CSMD1: variants seen among roughly 807,000 people sequenced by gnomAD.
The protein encoded by CSMD1 is CUB and sushi domain-containing protein 1.
In CSMD1, 213 loss-of-function variants were observed where a neutral mutation model predicts 417.5. The observed-to-expected ratio is 0.51, with a 90% CI of 0.46 to 0.57. The LOEUF (loss-of-function observed/expected upper bound fraction) is 0.57. CSMD1 is among the 20% of genes least tolerant of loss of function. CSMD1 has a pLI of 0.00. For missense variants in CSMD1, 6,923 were observed against 4,529.7 expected, an observed-to-expected ratio of 1.53 and a Z score of -15.17; for synonymous variants, 2,862 against 1,736.8, an observed-to-expected ratio of 1.65 and a Z score of -16.11.
chr8:3,973,478 A>T (rs985596052), intron 5 of CSMD1, among the ~76,000 whole-genome samples: 1 of 152,190 alleles, frequency 6.6e-6, no homozygotes, highest in Non-Finnish European at 1.5e-5. Context: ...GAAGTTGTTT[A>T]TTTTAAAAAA....
chr8:3,103,029 C>T (rs1020244577), intron 46 of CSMD1, among the ~76,000 whole-genome samples: 1 of 152,148 alleles, frequency 6.6e-6, no homozygotes, highest in African/African-American at 2.4e-5. Context: ...ACTAATCACC[C>T]CAGCACCTGG....
At chr8:3,714,794 AT>A (rs1208991107) in intron 6 of CSMD1, among the ~76,000 whole-genome samples, 1 of 151,998 alleles carries the variant, frequency 6.6e-6, no homozygotes, top group African/African-American at 2.4e-5. Context: ...TATTTGGAGC[AT>A]TTTTTGTCTA....
chr8:4,733,455 G>A (rs920691275), intron 1 of CSMD1, among the ~76,000 whole-genome samples: 2 of 152,160 alleles, frequency 1.3e-5, no homozygotes, highest in African/African-American at 4.8e-5. Context: ...CGGAGAAGGA[G>A]CTAATGTCTA....
At chr8:3,233,978 T>C (rs1799005604) in intron 26 of CSMD1, among the ~76,000 whole-genome samples, 1 of 152,224 alleles carries the variant, frequency 6.6e-6, no homozygotes, top group Non-Finnish European at 1.5e-5. Flanking sequence ...TCTATGTCTC[T>C]GTCAACATCG....
rs1353426343 is a variant in CSMD1 at position 3,860,017 on chromosome 8, G to A, written c.819-105975C>T. ...AAACCCAAACTTGGAGTTTGTTTGA[G>A]AAGTAAGAATGTGCTTGTGGAGGGT... On this transcript the variant is annotated intron_variant, in intron 5 of 69. Coordinates refer to ENST00000635120, the MANE Select transcript of CSMD1 (RefSeq NM_033225.6). Among the ~76,000 whole-genome samples, 6 of 152,082 alleles carry A rather than the reference G, an allele frequency of 3.9e-5. No homozygotes were observed. The East Asian group carries it at 1.2e-3, about 29-fold the overall frequency.
intron 3 of CSMD1, among the ~76,000 whole-genome samples, chr8:4,380,243 A>C (rs963735206): frequency 7.2e-5 from 11 of 152,188 alleles, no homozygotes; most frequent in African/African-American, 2.2e-4. Flanking sequence ...GTAACCTTGC[A>C]GTGGACAAGC....
intron 3 of CSMD1, among the ~76,000 whole-genome samples, chr8:4,138,003 G>C (rs895437378): frequency 2.8e-5 from 4 of 143,390 alleles, no homozygotes; most frequent in Non-Finnish European, 4.5e-5. Context: ...TCAGCCTCCA[G>C]AGTAGCTGCG....
intron 4 of CSMD1, among the ~76,000 whole-genome samples, chr8:4,010,345 C>T (rs1447278963): frequency 6.6e-6 from 1 of 152,126 alleles, no homozygotes; most frequent in East Asian, 1.9e-4. Context: ...TACTTGAAAT[C>T]CACTATTCCA....
At chr8:4,335,951 G>A (rs1017360609) in intron 3 of CSMD1, among the ~76,000 whole-genome samples, 2 of 152,096 alleles carry the variant, frequency 1.3e-5, no homozygotes, top group East Asian at 3.9e-4. Flanking sequence ...ATAAGCACAG[G>A]GAGGCTCTCA....
chr8:3,947,927 T>C (rs73509608), intron 5 of CSMD1, among the ~76,000 whole-genome samples: 40,607 of 152,094 alleles, frequency 0.27, 6,333 homozygotes, highest in African/African-American at 0.42. Flanking sequence ...AATGGTAGGC[T>C]GGGGGTGGCG....
At chr8:4,385,751 G>C (rs910549197) in intron 3 of CSMD1, among the ~76,000 whole-genome samples, 5 of 152,174 alleles carry the variant, frequency 3.3e-5, no homozygotes, top group African/African-American at 9.7e-5. Context: ...AAAATCTAAA[G>C]AGGAATTCAT....
intron 5 of CSMD1, among the ~76,000 whole-genome samples, chr8:3,768,990 C>A (rs551365149): frequency 6.6e-6 from 1 of 152,244 alleles, no homozygotes; most frequent in African/African-American, 2.4e-5. Context: ...GATTCCCGCA[C>A]AGCAGGCCCA....
At chr8:3,035,674 G>C (rs1158017751) in intron 50 of CSMD1, among the ~76,000 whole-genome samples, 1 of 152,172 alleles carries the variant, frequency 6.6e-6, no homozygotes, top group Non-Finnish European at 1.5e-5. Flanking sequence ...TGTAGCAAAA[G>C]AAAGTGTTTT....
At chr8:4,490,898 T>A (rs1801663299) in intron 2 of CSMD1, among the ~76,000 whole-genome samples, 1 of 152,178 alleles carries the variant, frequency 6.6e-6, no homozygotes, top group South Asian at 2.1e-4. Flanking sequence ...CAGCAGTGGT[T>A]TCTAGGACTA....
At position 3,105,876 on chromosome 8, in the gene CSMD1, G is replaced by A. The variant is rs115902156; in HGVS notation, c.6949+652C>T. Among the ~76,000 whole-genome samples, 1,363 of 152,272 alleles carry A rather than the reference G, an allele frequency of 9.0e-3. 19 individuals are homozygous for A. The highest frequency in any genetic ancestry group is 0.029 in the African/African-American group (1,194 of 41,546). ...GAAATACTTTGTAAGTTTTCATAGC[G>A]GAAGCTAGGTGGTATATATTCAGGT... On this transcript the variant is annotated intron_variant, in intron 46 of 69. Transcript: ENST00000635120.
At chr8:4,172,730 A>G (rs1797835801) in intron 3 of CSMD1, among the ~76,000 whole-genome samples, 1 of 152,154 alleles carries the variant, frequency 6.6e-6, no homozygotes, top group South Asian at 2.1e-4. Flanking sequence ...ACTTGACATT[A>G]GGTTGTAAAA....
intron 3 of CSMD1, among the ~76,000 whole-genome samples, chr8:4,276,737 A>G (rs148253480): frequency 8.3e-4 from 127 of 152,330 alleles, no homozygotes; most frequent in Middle Eastern, 3.4e-3. Flanking sequence ...AAGGAAATGT[A>G]TATGTGTTTT....
intron 12 of CSMD1, among the ~76,000 whole-genome samples, chr8:3,420,053 T>C (rs1813390827): frequency 6.6e-6 from 1 of 152,202 alleles, no homozygotes; most frequent in South Asian, 2.1e-4. Context: ...GCCCAGGGTA[T>C]ATTAAGTTCT....
At chr8:4,732,937 A>G (rs1343949165) in intron 1 of CSMD1, among the ~76,000 whole-genome samples, 1 of 152,158 alleles carries the variant, frequency 6.6e-6, no homozygotes, top group African/African-American at 2.4e-5. Flanking sequence ...GGAGGCAGCA[A>G]GGGCGGAGAA....
Sources: allele counts gnomAD v4.1 joint callset (sites outside exome capture counted in the v4.1 genomes callset), GRCh38; gene constraint gnomAD v4.1.1; transcripts MANE v1.5; gene names NCBI Gene and HGNC (gene_info 2026-07-23, HGNC 2026-07-21).